Variants in SMYD3 observed in about 807,000 individuals in gnomAD.
The protein encoded by SMYD3 is histone-lysine N-methyltransferase SMYD3.
In SMYD3, 36 loss-of-function variants were observed where a neutral mutation model predicts 57.7. The observed-to-expected ratio is 0.62, with a 90% CI of 0.48 to 0.82. The LOEUF (loss-of-function observed/expected upper bound fraction) is 0.82, where lower values mean the gene tolerates loss of function less well. SMYD3 is among the 40% of genes least tolerant of loss of function. SMYD3 has a pLI of 0.00. For synonymous variants in SMYD3, 211 were observed against 195.0 expected (o/e 1.08, Z -0.68); for missense variants, 515 against 538.8 (o/e 0.96, Z 0.44).
At chr1:245,860,347 G>A (rs940943827) in intron 9 of SMYD3, among the ~76,000 whole-genome samples, 4 of 152,192 alleles carry the variant, frequency 2.6e-5, no homozygotes, top group African/African-American at 9.6e-5. Context: ...CTTCCTCTTC[G>A]AATGTCCATA....
intron 2 of SMYD3, among the ~76,000 whole-genome samples, chr1:246,349,857 CAACA>C (rs1456184931): frequency 6.6e-6 from 1 of 152,006 alleles, no homozygotes; most frequent in Non-Finnish European, 1.5e-5. Context: ...TAGTGAAAGA[CAACA>C]ATCAGAACAA....
intron 5 of SMYD3, among the ~76,000 whole-genome samples, chr1:246,278,419 A>G (rs1388448991): frequency 3.3e-5 from 5 of 152,148 alleles, no homozygotes; most frequent in Non-Finnish European, 7.4e-5. Context: ...ACTCCTGCCA[A>G]TTACATTTCA....
At chr1:246,025,681 C>T (rs2059561524) in intron 5 of SMYD3, among the ~76,000 whole-genome samples, 2 of 152,092 alleles carry the variant, frequency 1.3e-5, no homozygotes, top group South Asian at 2.1e-4. Context: ...TAGCAATGTA[C>T]CCTCTTGATG....
At chr1:246,394,365 A>C (rs995067641) in intron 1 of SMYD3, among the ~76,000 whole-genome samples, 1 of 152,128 alleles carries the variant, frequency 6.6e-6, no homozygotes, top group Non-Finnish European at 1.5e-5. Flanking sequence ...AAGGAAGTTT[A>C]ACCCCACAGT....
chr1:246,044,846 T>G (rs7539516), intron 5 of SMYD3, among the ~76,000 whole-genome samples: 5 of 152,152 alleles, frequency 3.3e-5, no homozygotes, highest in African/African-American at 1.2e-4. Context: ...AATGACAAAC[T>G]GGACTAGGAT....
intron 5 of SMYD3, among the ~76,000 whole-genome samples, chr1:246,152,699 G>A (rs986354736): frequency 2.0e-5 from 3 of 152,154 alleles, no homozygotes; most frequent in East Asian, 1.9e-4. Flanking sequence ...GCTACACTAC[G>A]TGAGTGTGTC....
chr1:246,351,821 C>T (rs2065829154), intron 2 of SMYD3, among the ~76,000 whole-genome samples: 1 of 152,038 alleles, frequency 6.6e-6, no homozygotes, highest in African/African-American at 2.4e-5. Flanking sequence ...AAAAACATAT[C>T]CTTGTATTGC....
At chr1:245,857,605 C>T (rs1202975499) in intron 10 of SMYD3, among the ~76,000 whole-genome samples, 1 of 128,000 alleles carries the variant, frequency 7.8e-6, no homozygotes, top group East Asian at 2.0e-4. Context: ...TCTCCAGGGA[C>T]CTCCTCCCTC....
intron 5 of SMYD3, among the ~76,000 whole-genome samples, chr1:245,932,210 G>GT (rs138286543): frequency 0.049 from 7,393 of 152,184 alleles, 587 homozygotes; most frequent in African/African-American, 0.17. Flanking sequence ...AACCAGCATG[G>GT]TTTTTTCCTG....
chr1:245,836,410 G>A (rs1477304335), intron 10 of SMYD3, among the ~76,000 whole-genome samples: 3 of 152,216 alleles, frequency 2.0e-5, no homozygotes, highest in Non-Finnish European at 4.4e-5. Context: ...CACATTCAGG[G>A]CTGGCCATAG....
At chr1:246,442,852 C>T (rs895641464) in intron 1 of SMYD3, among the ~76,000 whole-genome samples, 1 of 152,162 alleles carries the variant, frequency 6.6e-6, no homozygotes, top group Admixed American at 6.5e-5. Flanking sequence ...GGGAGCCAGA[C>T]TCTGGTAAGA....
chr1:246,507,021 C>A, intron 1 of SMYD3, 33 bp downstream of exon 1: 1 of 1,440,802 alleles, frequency 6.9e-7, no homozygotes. Flanking sequence ...ACACAGCTCG[C>A]GACTCAGGTA....
intron 1 of SMYD3, among the ~76,000 whole-genome samples, chr1:246,452,556 G>C (rs976098465): frequency 1.3e-5 from 2 of 152,084 alleles, no homozygotes; most frequent in Non-Finnish European, 2.9e-5. Flanking sequence ...AACTTTAAAA[G>C]TAATAGCAAT....
chr1:245,815,755 C>T lies in SMYD3; in HGVS notation c.1076+42741G>A, dbSNP rs118147621. On this transcript the variant is annotated intron_variant, in intron 10 of 11. Coordinates refer to ENST00000490107, the MANE Select transcript of SMYD3 (RefSeq NM_001167740.2). Reference sequence around the variant, plus strand: ...AAGTTTTTCCACAGCCACTGTCTCACTGAATCAACCCCTAAGAGACAGAAA... The same window carrying T: ...AAGTTTTTCCACAGCCACTGTCTCATTGAATCAACCCCTAAGAGACAGAAA... 1.1e-4 allele frequency among the ~76,000 whole-genome samples: 17 copies of T among 152,340 alleles called. No homozygotes were observed. The East Asian group carries it at 3.3e-3, about 29-fold the overall frequency.
intron 5 of SMYD3, among the ~76,000 whole-genome samples, chr1:246,214,208 CCAGT>C (rs1292104164): frequency 6.6e-6 from 1 of 152,046 alleles, no homozygotes; most frequent in African/African-American, 2.4e-5. Flanking sequence ...GTCTAGAAAT[CCAGT>C]CAGAGATTAG....
At chr1:246,294,334 A>G (rs1186445804) in intron 5 of SMYD3, among the ~76,000 whole-genome samples, 1 of 152,220 alleles carries the variant, frequency 6.6e-6, no homozygotes, top group African/African-American at 2.4e-5. Context: ...AGTTAGCTTT[A>G]GCAAATTCTA....
chr1:246,107,054 C>T (rs562053341), intron 5 of SMYD3, among the ~76,000 whole-genome samples: 1 of 151,236 alleles, frequency 6.6e-6, no homozygotes, highest in Non-Finnish European at 1.5e-5. Context: ...AATCCCAGCA[C>T]TTTGGGAGGC....
intron 5 of SMYD3, among the ~76,000 whole-genome samples, chr1:246,127,769 G>A (rs757026769): frequency 2.0e-5 from 3 of 152,040 alleles, no homozygotes; most frequent in Non-Finnish European, 2.9e-5. Context: ...GATAGCGCGT[G>A]CCTGTAATCC....
chr1:246,086,703 CTTTT>C (rs201039814), intron 5 of SMYD3, among the ~76,000 whole-genome samples: 2 of 150,504 alleles, frequency 1.3e-5, no homozygotes, highest in Non-Finnish European at 1.5e-5. Context: ...GCCAAATTTT[CTTTT>C]TTTTTAATTT....
Sources: allele counts gnomAD v4.1 joint callset (sites outside exome capture counted in the v4.1 genomes callset), GRCh38; gene constraint gnomAD v4.1.1; transcripts MANE v1.5; gene names NCBI Gene and HGNC (gene_info 2026-07-23, HGNC 2026-07-21).